The following MEI4 variants were observed in gnomAD, a reference collection of about 807,000 sequenced individuals.
MEI4 encodes the protein meiotic double-stranded break formation protein 4.
MEI4 carries 27 observed loss-of-function variants against 31.4 expected under a neutral mutation model. The ratio of observed to expected loss-of-function variants is 0.86; its 90% CI spans 0.63 to 1.19. MEI4 has a LOEUF of 1.19. Ranked by LOEUF, MEI4 falls within the 50% of genes most tolerant of loss-of-function variation. MEI4 has a pLI of 0.00. For synonymous variants in MEI4, 122 were observed against 145.4 expected, an observed-to-expected ratio of 0.84 and a Z score of 1.16; for missense variants, 329 against 398.9, an observed-to-expected ratio of 0.82 and a Z score of 1.49.
At position 77,761,661 on chromosome 6, in the gene MEI4, A is replaced by G. The variant is rs570702148; in HGVS notation, c.764A>G (p.Asn255Ser). 1.8e-5 allele frequency: 22 copies of G among 1,230,312 alleles called. No individual in the cohort carries two copies. In the East Asian group the frequency reaches 4.1e-4, roughly 23 times the overall value. 76.2% of individuals were successfully genotyped at this position (1,230,312 alleles called of 1,614,324 possible). A position where few individuals can be genotyped will look rare whatever the true frequency, so the allele number is the denominator to read the frequency against. The change falls in exon 3 of 5, where the codon AAT becomes AGT. Residue 255 changes from asparagine to serine, a missense_variant. By Grantham distance (46) the Asn-to-Ser change is conservative. Coordinates refer to ENST00000684080, the MANE Select transcript of MEI4 (RefSeq NM_001322247.2). The part of the protein sequence containing the change: ...LHAILGNNHI[N>S]QFQVQHYVSQ... ...GCTATTTTAGGAAACAATCATATAA[A>G]TCAGGTGAGTAATAAATCCCTCTTT...
intron 4 of MEI4, among the ~76,000 whole-genome samples, chr6:77,876,074 G>T (rs555245601): frequency 6.6e-6 from 1 of 152,276 alleles, no homozygotes; most frequent in South Asian, 2.1e-4. Context: ...CACTTTGTGA[G>T]AACCTCAGCT....
chr6:77,741,983 T>G (rs1405071642), intron 2 of MEI4, among the ~76,000 whole-genome samples: 1 of 152,074 alleles, frequency 6.6e-6, no homozygotes, highest in Non-Finnish European at 1.5e-5. Context: ...TACTCCATGG[T>G]GTATATGTGC....
chr6:77,768,531 C>A (rs1768230534), intron 3 of MEI4, among the ~76,000 whole-genome samples: 1 of 152,014 alleles, frequency 6.6e-6, no homozygotes, highest in South Asian at 2.1e-4. Flanking sequence ...AAAACCCTGT[C>A]TCTACTAAAA....
intron 2 of MEI4, among the ~76,000 whole-genome samples, chr6:77,692,573 G>C (rs547590975): frequency 2.7e-4 from 41 of 152,178 alleles, no homozygotes; most frequent in Admixed American, 1.2e-3. Context: ...ATCTGTGATA[G>C]TGAGAAATAA....
chr6:77,660,925 G>A (rs903081704), intron 1 of MEI4, among the ~76,000 whole-genome samples: 1 of 152,122 alleles, frequency 6.6e-6, no homozygotes. Flanking sequence ...CAGCTAGGGT[G>A]TCTTCGTATG....
intron 3 of MEI4, among the ~76,000 whole-genome samples, chr6:77,777,968 A>G (rs1421568403): frequency 2.0e-5 from 3 of 152,138 alleles, no homozygotes; most frequent in Non-Finnish European, 4.4e-5. Flanking sequence ...AATTATGCCG[A>G]TGAATAAAAC....
At chr6:77,667,808 C>G (rs1486628285) in intron 1 of MEI4, among the ~76,000 whole-genome samples, 2 of 151,874 alleles carry the variant, frequency 1.3e-5, no homozygotes, top group Non-Finnish European at 2.9e-5. Flanking sequence ...GACAAAGATT[C>G]AGAATCATGA....
chr6:77,744,201 A>T (rs1473288840), intron 2 of MEI4, among the ~76,000 whole-genome samples: 1 of 152,194 alleles, frequency 6.6e-6, no homozygotes, highest in Non-Finnish European at 1.5e-5. Flanking sequence ...AACCAAAGGC[A>T]AAGAAGTTAA....
chr6:77,692,747 A>G (rs181220016), intron 2 of MEI4, among the ~76,000 whole-genome samples: 3 of 152,162 alleles, frequency 2.0e-5, no homozygotes, highest in Non-Finnish European at 4.4e-5. Context: ...TTCAATTCAG[A>G]TGGTGAACAC....
At chr6:77,904,794 A>G (rs1766256268) in intron 4 of MEI4, among the ~76,000 whole-genome samples, 1 of 148,998 alleles carries the variant, frequency 6.7e-6, no homozygotes, top group Admixed American at 6.7e-5. Flanking sequence ...CTGCACTTCT[A>G]CTATCTCCCC....
At position 77,886,770 on chromosome 6, in the gene MEI4, G is replaced by A. The variant is rs1415479333; in HGVS notation, c.901-36319G>A. Among the ~76,000 whole-genome samples, 3 of 151,880 alleles carry A rather than the reference G, an allele frequency of 2.0e-5. No individual in the cohort carries two copies. In the South Asian group the frequency reaches 6.2e-4, roughly 31 times the overall value. On this transcript the variant is annotated intron_variant, in intron 4 of 4. Coordinates refer to ENST00000684080, the MANE Select transcript of MEI4 (RefSeq NM_001322247.2). ...AATTGTTTATATTAATATTTAATGG[G>A]GCTTTGTATTTCTGTGATACTGGTT...
chr6:77,923,946 A>G lies in MEI4; in HGVS notation c.*600A>G, dbSNP rs1219744516. The G allele has an allele frequency of 7.0e-5, 5 of 71,124 alleles. No homozygotes were observed. Among genetic ancestry groups the G allele is most frequent in the African/African-American group, 3.1e-4 (5 of 16,180 alleles). The allele number at this position is 71,124 out of a possible 1,614,324, so 4.4% of individuals were successfully genotyped here. On this transcript the variant is annotated 3_prime_UTR_variant, in exon 5 of 5. Coordinates refer to ENST00000684080, the MANE Select transcript of MEI4 (RefSeq NM_001322247.2). ...ACATTTGTCGAGCTCTTTTGAAAAT[A>G]CTATTAATTAGTTGTTTAAAATGTT... is the stretch of plus-strand genomic sequence containing the variant.
At chr6:77,781,337 G>A (rs1173516463) in intron 3 of MEI4, among the ~76,000 whole-genome samples, 1 of 151,870 alleles carries the variant, frequency 6.6e-6, no homozygotes, top group Non-Finnish European at 1.5e-5. Flanking sequence ...TAATGCTTAC[G>A]ACCTGTCTAT....
At chr6:77,895,239 T>G (rs986781883) in intron 4 of MEI4, among the ~76,000 whole-genome samples, 3 of 152,180 alleles carry the variant, frequency 2.0e-5, no homozygotes, top group Non-Finnish European at 2.9e-5. Flanking sequence ...TAAAATTGAT[T>G]TGGCCCTTGA....
Position 77,761,635 on chromosome 6 carries a change from T to C in MEI4, c.738T>C (p.His246=). The C allele has an allele frequency of 8.1e-7, 1 of 1,231,760 alleles. No individual in the cohort carries two copies. Among genetic ancestry groups the C allele is most frequent in the African/African-American group, 1.5e-5 (1 of 64,534 alleles). The allele number at this position is 1,231,760 out of a possible 1,614,324, so 76.3% of individuals were successfully genotyped here. A position where few individuals can be genotyped will look rare whatever the true frequency, so the allele number is the denominator to read the frequency against. ...AAGAATTTGAGAAAACCCTACTACA[T>C]GCTATTTTAGGAAACAATCATATAA... ...KLEEFEKTLL[H]AILGNNHINQ... The change falls in exon 3 of 5, where the codon CAT becomes CAC. Residue 246 remains histidine (H), a synonymous_variant. Transcript: ENST00000684080.
chr6:77,876,354 T>C (rs911942234), intron 4 of MEI4, among the ~76,000 whole-genome samples: 2 of 152,188 alleles, frequency 1.3e-5, no homozygotes, highest in Admixed American at 6.5e-5. Context: ...TTAATTATCA[T>C]AGGAGTGAGT....
intron 2 of MEI4, among the ~76,000 whole-genome samples, chr6:77,730,442 T>C (rs886350974): frequency 2.6e-5 from 4 of 152,016 alleles, no homozygotes; most frequent in African/African-American, 9.7e-5. Flanking sequence ...GACTATGTTT[T>C]CACTATACTG....
At chr6:77,835,353 T>C (rs566851463) in intron 4 of MEI4, among the ~76,000 whole-genome samples, 1 of 113,644 alleles carries the variant, frequency 8.8e-6, no homozygotes, top group Non-Finnish European at 1.8e-5. Flanking sequence ...AGAGTGAAAC[T>C]CCATAAGAAA....
intron 3 of MEI4, among the ~76,000 whole-genome samples, chr6:77,803,845 AG>A (rs1331222290): frequency 2.0e-5 from 3 of 152,076 alleles, no homozygotes; most frequent in Non-Finnish European, 1.5e-5. Flanking sequence ...TTTGTCTCAG[AG>A]GAGTACCCAG....
Sources: allele counts gnomAD v4.1 joint callset (sites outside exome capture counted in the v4.1 genomes callset), GRCh38; gene constraint gnomAD v4.1.1; transcripts MANE v1.5; gene names NCBI Gene and HGNC (gene_info 2026-07-23, HGNC 2026-07-21).